TMTC1: variants seen among roughly 807,000 people sequenced by gnomAD.
TMTC1 encodes the protein protein O-mannosyl-transferase TMTC1.
A neutral mutation model predicts 104.8 loss-of-function variants in TMTC1; 73 were observed. The ratio of observed to expected loss-of-function variants is 0.70; its 90% confidence interval spans 0.58 to 0.85. TMTC1 has a LOEUF of 0.85. Ranked by LOEUF, TMTC1 falls within the 40% of genes least tolerant of loss-of-function variation. TMTC1 has a pLI of 0.00. For missense variants in TMTC1, 1,035 were observed against 1,096.1 expected, an observed-to-expected ratio of 0.94 and a Z score of 0.79; for synonymous variants, 434 against 428.7, an observed-to-expected ratio of 1.01 and a Z score of -0.15.
chr12:29,606,106 C>T (rs1946691719), intron 6 of TMTC1, among the ~76,000 whole-genome samples: 1 of 152,174 alleles, frequency 6.6e-6, no homozygotes, highest in Non-Finnish European at 1.5e-5. Context: ...CTTATCCAAT[C>T]CACTGTTGAC....
At chr12:29,536,460 C>T in intron 10 of TMTC1, 143 bp from the exon 11 acceptor site, 1 of 623,528 alleles carries the variant, frequency 1.6e-6, no homozygotes, top group Non-Finnish European at 2.8e-6. Context: ...AATTAAACTA[C>T]ATTGTCTCAA....
intron 10 of TMTC1, among the ~76,000 whole-genome samples, chr12:29,550,933 CAAAA>C (rs200605964): frequency 1.2e-4 from 13 of 108,270 alleles, no homozygotes; most frequent in South Asian, 1.2e-3. Context: ...GACTCCATCT[CAAAA>C]AAAAAAAAAA....
chr12:29,622,823 G>A lies in TMTC1; in HGVS notation c.1128+10324C>T, dbSNP rs374979116. Among the ~76,000 whole-genome samples, 8 of 152,304 alleles carry A rather than the reference G, an allele frequency of 5.3e-5. No individual in the cohort carries two copies. The South Asian group carries it at 1.2e-3, about 24-fold the overall frequency. ...AGGAGATGAAGGAGAGGCACAGAAC[G>A]AGATAAATTCTACTCTTAAATTCTC... On this transcript the variant is annotated intron_variant, in intron 6 of 17. Transcript: ENST00000539277.
At chr12:29,768,138 A>C in intron 1 of TMTC1, 63 bp from the exon 2 acceptor site, 1 of 1,203,970 alleles carries the variant, frequency 8.3e-7, no homozygotes, top group Non-Finnish European at 1.1e-6. Context: ...AAACACAAGG[A>C]ACACAGACGG....
At chr12:29,743,129 G>GTAT (rs1192970376) in intron 5 of TMTC1, among the ~76,000 whole-genome samples, 2 of 152,148 alleles carry the variant, frequency 1.3e-5, no homozygotes, top group African/African-American at 2.4e-5. Context: ...CATGGGATAG[G>GTAT]TATTAGTATT....
chr12:29,745,310 A>G (rs772007280), intron 5 of TMTC1, among the ~76,000 whole-genome samples: 5 of 152,060 alleles, frequency 3.3e-5, no homozygotes, highest in Non-Finnish European at 5.9e-5. Flanking sequence ...AGCAAAAACG[A>G]TGGTCAATTC....
intron 6 of TMTC1, among the ~76,000 whole-genome samples, chr12:29,619,066 G>C (rs1591814211): frequency 6.6e-6 from 1 of 152,122 alleles, no homozygotes; most frequent in East Asian, 1.9e-4. Context: ...GAATCACAAA[G>C]CATACAAATC....
intron 5 of TMTC1, among the ~76,000 whole-genome samples, chr12:29,695,333 A>T (rs899600859): frequency 2.6e-5 from 4 of 151,926 alleles, no homozygotes; most frequent in African/African-American, 9.7e-5. Flanking sequence ...GTTTTGAGAC[A>T]GTCTCACTTT....
chr12:29,611,989 G>C (rs1236943506), intron 6 of TMTC1, among the ~76,000 whole-genome samples: 6 of 152,106 alleles, frequency 3.9e-5, no homozygotes, highest in Non-Finnish European at 8.8e-5. Context: ...AGGAAATTGA[G>C]GGCCAGAGAG....
Position 29,516,431 on chromosome 12 carries a change from T to G in TMTC1, c.2225A>C (p.His742Pro), listed in dbSNP as rs1316128816. The G allele has an allele frequency of 6.8e-6, 11 of 1,613,936 alleles. No homozygotes were observed. The South Asian group carries it at 1.2e-4, about 18-fold the overall frequency. Residue 742 changes from histidine to proline, a missense_variant, in exon 15 of 18, where the codon CAC becomes CCC. Transcript: ENST00000539277. ...GCATCCGGTCTCCTCTGACACAATG[T>G]GATTGGTCATCTTTTCAGCTTCTTT... The part of the protein sequence containing the change: ...QTKEAEKMTN[H>P]IVSEETGCLE...
intron 5 of TMTC1, among the ~76,000 whole-genome samples, chr12:29,742,295 T>G (rs1942847466): frequency 6.6e-6 from 1 of 152,188 alleles, no homozygotes; most frequent in African/African-American, 2.4e-5. Flanking sequence ...TTATATATAT[T>G]AATTGCCTTC....
At chr12:29,737,910 T>C (rs561094767) in intron 5 of TMTC1, among the ~76,000 whole-genome samples, 1 of 152,256 alleles carries the variant, frequency 6.6e-6, no homozygotes, top group African/African-American at 2.4e-5. Flanking sequence ...TCCTTTCCAA[T>C]GGGAAAGAGA....
rs1592147406 is a variant in TMTC1, at chr12:29,512,072, T to C, written c.2479A>G (p.Met827Val). The change falls in exon 17 of 18, where the codon ATG becomes GTG. Residue 827 changes from methionine (M) to valine (V), a missense_variant. By Grantham distance (21) the Met-to-Val change is conservative (BLOSUM62 1). Coordinates refer to ENST00000539277, the MANE Select transcript of TMTC1 (RefSeq NM_001193451.2). ...ATGTGTTGGATGCCACCCATGTTCA[T>C]CCAGGCCTGTGCTTGGTCTGGGTTT... Reference protein sequence around the residue: ...QLNPDQAQAWMNMGGIQHIKG... With the variant: ...QLNPDQAQAWVNMGGIQHIKG... 6.2e-7 allele frequency: 1 copy of C among 1,614,148 alleles called. No individual in the cohort carries two copies. Among genetic ancestry groups the C allele is most frequent in the Non-Finnish European group, 8.5e-7 (1 of 1,179,998 alleles).
rs675740 is a variant in TMTC1 at position 29,783,867 on chromosome 12, G to T, written c.-116C>A. On this transcript the variant is annotated 5_prime_UTR_variant, in exon 1 of 18. Coordinates refer to ENST00000539277, the MANE Select transcript of TMTC1 (RefSeq NM_001193451.2). The surrounding 1 kb of genome is among the most constrained non-coding windows in gnomAD (Gnocchi z 4.7). ...GAGGGGGGCTCGGGCATGGTGCTGC[G>T]GCAGCTGGACCCGCCGCGAGCTCCC... 1.0e-6 allele frequency: 1 copy of T among 989,866 alleles called. No homozygotes were observed. The highest frequency in any genetic ancestry group is 1.7e-5 in the African/African-American group (1 of 57,396). The allele number at this position is 989,866 out of a possible 1,614,324, so 61.3% of individuals were successfully genotyped here. A position where few individuals can be genotyped will look rare whatever the true frequency, so the allele number is the denominator to read the frequency against.
chr12:29,719,332 T>C (rs1279875482), intron 5 of TMTC1, among the ~76,000 whole-genome samples: 1 of 152,140 alleles, frequency 6.6e-6, no homozygotes, highest in Non-Finnish European at 1.5e-5. Context: ...TCTTTGTGAA[T>C]ACTTGGATGC....
intron 11 of TMTC1, among the ~76,000 whole-genome samples, chr12:29,527,165 A>G (rs1480805344): frequency 6.6e-6 from 1 of 152,234 alleles, no homozygotes; most frequent in Non-Finnish European, 1.5e-5. Flanking sequence ...ACTGTAGAAT[A>G]ATAGTAATTC....
intron 9 of TMTC1, among the ~76,000 whole-genome samples, chr12:29,557,756 C>T (rs1945282888): frequency 6.6e-6 from 1 of 152,284 alleles, no homozygotes; most frequent in South Asian, 2.1e-4. Flanking sequence ...GGCCCATAAA[C>T]ATCTTTGGAT....
chr12:29,624,714 A>G (rs191542341), intron 6 of TMTC1, among the ~76,000 whole-genome samples: 47 of 152,324 alleles, frequency 3.1e-4, no homozygotes, highest in African/African-American at 1.0e-3. Flanking sequence ...ACCTCTTCGC[A>G]TCACCTAATA....
At chr12:29,639,615 C>T (rs1378656998) in intron 5 of TMTC1, among the ~76,000 whole-genome samples, 1 of 152,162 alleles carries the variant, frequency 6.6e-6, no homozygotes, top group South Asian at 2.1e-4. Context: ...ACTAGCAATT[C>T]CACTCCTAAG....
Sources: allele counts gnomAD v4.1 joint callset (sites outside exome capture counted in the v4.1 genomes callset), GRCh38; gene constraint gnomAD v4.1.1; non-coding constraint Gnocchi (gnomAD v3.1); transcripts MANE v1.5; gene names NCBI Gene and HGNC (gene_info 2026-07-23, HGNC 2026-07-21).